The following AGAP1 variants were observed in gnomAD, a reference collection of about 807,000 sequenced individuals.
The protein encoded by AGAP1 is ArfGAP with GTPase domain, ankyrin repeat and PH domain 1, also known as arf-GAP with GTPase, ANK repeat and PH domain-containing protein 1.
Under a neutral mutation model 105.3 loss-of-function variants are expected in AGAP1, and 29 were observed. That is an observed-to-expected ratio of 0.28 (90% CI 0.21 to 0.38). The LOEUF (loss-of-function observed/expected upper bound fraction) is 0.38, where lower values mean the gene tolerates loss of function less well. AGAP1 is among the 10% of genes least tolerant of loss of function. The pLI is 1.00. For synonymous variants in AGAP1, 509 were observed against 485.9 expected (o/e 1.05, Z -0.63); for missense variants, 998 against 1,165.1 (o/e 0.86, Z 2.09).
At chr2:236,024,443 C>T (rs1028609790) in intron 13 of AGAP1, among the ~76,000 whole-genome samples, 5 of 152,154 alleles carry the variant, frequency 3.3e-5, no homozygotes, top group Non-Finnish European at 5.9e-5. Flanking sequence ...CAGACCCTTT[C>T]CCTGAGACCT....
intron 11 of AGAP1, among the ~76,000 whole-genome samples, chr2:235,914,986 CAGA>C (rs1391233306): frequency 6.6e-6 from 1 of 152,132 alleles, no homozygotes; most frequent in Non-Finnish European, 1.5e-5. Flanking sequence ...TCCTCAGTCT[CAGA>C]AGAAGAGAAA....
intron 1 of AGAP1, among the ~76,000 whole-genome samples, chr2:235,682,468 G>C (rs145923894): frequency 6.6e-6 from 1 of 151,746 alleles, no homozygotes; most frequent in Admixed American, 6.6e-5. Flanking sequence ...TCAGCCTCTC[G>C]AGTAGCTGGG....
At chr2:235,645,529 T>A (rs1382903996) in intron 1 of AGAP1, among the ~76,000 whole-genome samples, 1 of 152,204 alleles carries the variant, frequency 6.6e-6, no homozygotes, top group Admixed American at 6.5e-5. Context: ...GTAACGCTCC[T>A]TTAGTGACTG....
rs1949694667 is a variant in AGAP1, at chr2:235,690,698, T to G, written c.164-18481T>G. ...TTTGAAGGAGCTCTTTGGAAAGAGGTGCAGGCTTCCGGCTATTGGTAGACA... is the reference window on the plus strand; with the variant it reads ...TTTGAAGGAGCTCTTTGGAAAGAGGGGCAGGCTTCCGGCTATTGGTAGACA... On this transcript the variant is annotated intron_variant, in intron 1 of 17. Coordinates refer to ENST00000304032, the MANE Select transcript of AGAP1 (RefSeq NM_001037131.3). The surrounding 1 kb of genome is among the most constrained non-coding windows in gnomAD (Gnocchi z 4.1). 6.6e-6 allele frequency among the ~76,000 whole-genome samples: 1 copy of G among 152,168 alleles called. No homozygotes were observed. The highest frequency in any genetic ancestry group is 1.9e-4 in the East Asian group (1 of 5,176).
rs994797659 is a variant in AGAP1 at position 235,963,858 on chromosome 2, T to C, written c.1484-4604T>C. On this transcript the variant is annotated intron_variant, in intron 12 of 17. Transcript: ENST00000304032. This position sits in a 1 kb window ranked among gnomAD's most constrained non-coding sequence, Gnocchi z 5.1. ...TGGCCTGGAATAGAGAGCCTAGCGG[T>C]AGACCTACCACGCCCCTGTGGAAGC... Among the ~76,000 whole-genome samples, 6 of 152,140 alleles carry C rather than the reference T, an allele frequency of 3.9e-5. No individual in the cohort carries two copies. Among genetic ancestry groups the C allele is most frequent in the Non-Finnish European group, 8.8e-5 (6 of 68,022 alleles).
intron 1 of AGAP1, among the ~76,000 whole-genome samples, chr2:235,584,217 A>C (rs1945027993): frequency 6.7e-6 from 1 of 148,278 alleles, no homozygotes; most frequent in African/African-American, 2.5e-5. Context: ...TTTGCATGGA[A>C]ATCTGTGAAG....
Position 235,596,437 on chromosome 2 carries a change from C to T in AGAP1, c.163+101588C>T, listed in dbSNP as rs1187798173. Among the ~76,000 whole-genome samples the T allele has an allele frequency of 6.6e-6, 1 of 152,146 alleles. No homozygotes were observed. The highest frequency in any genetic ancestry group is 2.4e-5 in the African/African-American group (1 of 41,438). On this transcript the variant is annotated intron_variant, in intron 1 of 17. Transcript: ENST00000304032. This position sits in a 1 kb window ranked among gnomAD's most constrained non-coding sequence, Gnocchi z 5.9. ...CTTAACTCCGGTGTGCCTGGAGTCA[C>T]CTTGGGACCTTGTTACCTGCAGATT...
At position 235,601,078 on chromosome 2, in the gene AGAP1, C is replaced by T. The variant is rs149576383; in HGVS notation, c.163+106229C>T. On this transcript the variant is annotated intron_variant, in intron 1 of 17. Transcript: ENST00000304032. The surrounding 1 kb of genome is among the most constrained non-coding windows in gnomAD (Gnocchi z 4.4). ...TGCCACAGTACCTGCAGGGTCCAGC[C>T]AGCTCCCCACCTCCACTGGATGCCA... 1.3e-5 allele frequency among the ~76,000 whole-genome samples: 2 copies of T among 152,334 alleles called. No homozygotes were observed. The highest frequency in any genetic ancestry group is 4.8e-5 in the African/African-American group (2 of 41,564).
chr2:235,989,277 C>T lies in AGAP1; in HGVS notation c.1645+20654C>T, dbSNP rs1170340749. Among the ~76,000 whole-genome samples, 2 of 151,186 alleles carry T rather than the reference C, an allele frequency of 1.3e-5. No homozygotes were observed. The highest frequency in any genetic ancestry group is 4.9e-5 in the African/African-American group (2 of 41,066). ...AGGTACTGTGTAGAGGTCGCTGCTG[C>T]GTGTGGCTTCACCCAGCTCCTCTGC... On this transcript the variant is annotated intron_variant, in intron 13 of 17. Transcript: ENST00000304032. This position sits in a 1 kb window ranked among gnomAD's most constrained non-coding sequence, Gnocchi z 4.4.
At chr2:235,853,073 A>G (rs2048545650) in intron 9 of AGAP1, 1 of 1,235,348 alleles carries the variant, frequency 8.1e-7, no homozygotes, top group Admixed American at 4.2e-5. Context: ...CCACAAAGGA[A>G]GGAAATCAAT....
intron 16 of AGAP1, among the ~76,000 whole-genome samples, chr2:236,084,255 A>G (rs1436485962): frequency 6.6e-6 from 1 of 152,054 alleles, no homozygotes; most frequent in Non-Finnish European, 1.5e-5. Context: ...CCTTAAACTT[A>G]AACAAGTGTA....
rs2059440565 is a variant in AGAP1, at chr2:236,104,629, G to C, written c.2115-15563G>C. ...GCACAGGCCAGGCGCGGTGGCTCAT[G>C]CCTGTAATGCCAGCACTTTGGGAGG... On this transcript the variant is annotated intron_variant, in intron 16 of 17. Transcript: ENST00000304032. The surrounding 1 kb of genome is among the most constrained non-coding windows in gnomAD (Gnocchi z 4.7). 6.6e-6 allele frequency among the ~76,000 whole-genome samples: 1 copy of C among 152,178 alleles called. No homozygotes were observed. The highest frequency in any genetic ancestry group is 1.5e-5 in the Non-Finnish European group (1 of 68,026).
rs551931247 is a variant in AGAP1, at chr2:235,600,435, C to A, written c.163+105586C>A. Among the ~76,000 whole-genome samples, 2 of 152,256 alleles carry A rather than the reference C, an allele frequency of 1.3e-5. No homozygotes were observed. Among genetic ancestry groups the A allele is most frequent in the Non-Finnish European group, 2.9e-5 (2 of 68,028 alleles). The stretch of plus-strand genomic sequence containing the variant: ...ATAGACCCCCATACTCCTGTAGATA[C>A]CCCCTCATTACAGACCCCCACCATC... On this transcript the variant is annotated intron_variant, in intron 1 of 17. Coordinates refer to ENST00000304032, the MANE Select transcript of AGAP1 (RefSeq NM_001037131.3). The surrounding 1 kb of genome is among the most constrained non-coding windows in gnomAD (Gnocchi z 4.8).
Position 235,888,213 on chromosome 2 carries a change from G to A in AGAP1, c.1155+4764G>A, listed in dbSNP as rs1414581617. Among the ~76,000 whole-genome samples the A allele has an allele frequency of 6.6e-6, 1 of 152,064 alleles. No homozygotes were observed. The highest frequency in any genetic ancestry group is 1.5e-5 in the Non-Finnish European group (1 of 68,010). On this transcript the variant is annotated intron_variant, in intron 10 of 17. Transcript: ENST00000304032. This position sits in a 1 kb window ranked among gnomAD's most constrained non-coding sequence, Gnocchi z 4.8. ...GGTTATGGGCAGGGGGCGGGGGAGC[G>A]GGTAGTTCAGGAGGATCTCAGGATT...
chr2:235,943,058 G>A (rs1449117659), intron 12 of AGAP1, among the ~76,000 whole-genome samples: 3 of 152,190 alleles, frequency 2.0e-5, no homozygotes, highest in Admixed American at 6.5e-5. Flanking sequence ...ACTTTGTGAT[G>A]TTTTGTGTTC....
intron 1 of AGAP1, among the ~76,000 whole-genome samples, chr2:235,686,965 G>A (rs1029828621): frequency 6.6e-6 from 1 of 151,730 alleles, no homozygotes; most frequent in Non-Finnish European, 1.5e-5. Context: ...GCTTGGCTTA[G>A]GAAGGCTTTT....
chr2:235,683,944 G>T (rs537377414), intron 1 of AGAP1, among the ~76,000 whole-genome samples: 1 of 150,456 alleles, frequency 6.6e-6, no homozygotes, highest in South Asian at 2.1e-4. Flanking sequence ...GAGAACACAT[G>T]GTGTGTTTGG....
chr2:235,588,479 G>A (rs1226941904), intron 1 of AGAP1, among the ~76,000 whole-genome samples: 5 of 152,004 alleles, frequency 3.3e-5, no homozygotes, highest in South Asian at 2.1e-4. Context: ...CAGGACTCCC[G>A]GTGGCTGCTA....
intron 11 of AGAP1, among the ~76,000 whole-genome samples, chr2:235,914,511 G>A (rs7566858): frequency 0.36 from 54,360 of 152,046 alleles, 10,537 homozygotes; most frequent in South Asian, 0.64. Flanking sequence ...GGGGCTCGGG[G>A]GTGGGGTATT....
Sources: allele counts gnomAD v4.1 joint callset (sites outside exome capture counted in the v4.1 genomes callset), GRCh38; gene constraint gnomAD v4.1.1; non-coding constraint Gnocchi (gnomAD v3.1); transcripts MANE v1.5; gene names NCBI Gene and HGNC (gene_info 2026-07-23, HGNC 2026-07-21).